Variants in CNTNAP2 observed in about 807,000 individuals in gnomAD.
CNTNAP2 encodes contactin-associated protein-like 2.
CNTNAP2 carries 98 observed loss-of-function variants against 155.2 expected under a neutral mutation model. The observed-to-expected ratio is 0.63, with a 90% CI of 0.54 to 0.75. CNTNAP2 has a LOEUF of 0.75. Among genes scored for constraint, CNTNAP2 ranks in the 30% least tolerant of loss-of-function variants. The pLI is 0.00. For missense variants in CNTNAP2, 1,727 were observed against 1,688.1 expected (o/e 1.02, Z -0.40); for synonymous variants, 651 against 631.2 (o/e 1.03, Z -0.47).
chr7:148,069,602 A>T (rs1200448088), intron 15 of CNTNAP2, among the ~76,000 whole-genome samples: 1 of 151,970 alleles, frequency 6.6e-6, no homozygotes, highest in Non-Finnish European at 1.5e-5. Context: ...CTCTACTAAA[A>T]ACACAAAATT....
chr7:147,314,445 C>T (rs562955958), intron 9 of CNTNAP2, among the ~76,000 whole-genome samples: 3 of 142,270 alleles, frequency 2.1e-5, no homozygotes, highest in African/African-American at 7.3e-5. Context: ...GTTACTATGG[C>T]ATCATTCCTC....
At chr7:146,628,980 G>A (rs6978740) in intron 1 of CNTNAP2, among the ~76,000 whole-genome samples, 5,289 of 152,140 alleles carry the variant, frequency 0.035, 315 homozygotes, top group African/African-American at 0.12. Context: ...AAACTTTCAC[G>A]TACCTGTGAG....
rs1346818958 is a variant in CNTNAP2 at position 146,137,362 on chromosome 7, C to CT, written c.97+20391dup. On this transcript the variant is annotated intron_variant, in intron 1 of 23. Transcript: ENST00000361727. ...AGTTAATATATTATTGAAATATCTA[C>CT]TTATTTCATCTGCCACATGAAAATA... Among the ~76,000 whole-genome samples, 12 of 152,236 alleles carry CT rather than the reference C, an allele frequency of 7.9e-5. 2 individuals are homozygous for CT. In the East Asian group the frequency reaches 2.1e-3, roughly 27 times the overall value.
At chr7:146,744,686 C>G (rs1353191518) in intron 1 of CNTNAP2, among the ~76,000 whole-genome samples, 1 of 152,016 alleles carries the variant, frequency 6.6e-6, no homozygotes, top group Non-Finnish European at 1.5e-5. Flanking sequence ...CATGTCACAC[C>G]AATTAAATAA....
At chr7:148,169,854 G>A (rs1192319752) in intron 17 of CNTNAP2, among the ~76,000 whole-genome samples, 1 of 152,108 alleles carries the variant, frequency 6.6e-6, no homozygotes, top group Non-Finnish European at 1.5e-5. Context: ...CAGCTACTGG[G>A]GAGGCTGAGG....
At chr7:147,082,699 A>T (rs1188163157) in intron 4 of CNTNAP2, 1 of 152,198 alleles carries the variant, frequency 6.6e-6, no homozygotes, top group African/African-American at 2.4e-5. Flanking sequence ...AGGAAGGTTT[A>T]ATCTTTAGTT....
At chr7:147,343,843 G>A (rs1795802537) in intron 9 of CNTNAP2, among the ~76,000 whole-genome samples, 1 of 152,010 alleles carries the variant, frequency 6.6e-6, no homozygotes, top group African/African-American at 2.4e-5. Context: ...ATAAATGGGG[G>A]CATCAAAACT....
intron 15 of CNTNAP2, among the ~76,000 whole-genome samples, chr7:148,085,765 G>A (rs1203041018): frequency 6.6e-6 from 1 of 150,678 alleles, no homozygotes; most frequent in African/African-American, 2.4e-5. Context: ...TGTTGCCCAG[G>A]CTGGAGTGCA....
At chr7:146,226,299 T>G (rs1378312517) in intron 1 of CNTNAP2, among the ~76,000 whole-genome samples, 5 of 152,096 alleles carry the variant, frequency 3.3e-5, no homozygotes. Context: ...TTGGGATAAT[T>G]TATATGGGAT....
chr7:147,392,363 A>T (rs1796734413), intron 9 of CNTNAP2, among the ~76,000 whole-genome samples: 1 of 150,220 alleles, frequency 6.7e-6, no homozygotes, highest in Non-Finnish European at 1.5e-5. Flanking sequence ...TTTATTTTTA[A>T]TTTTTATTTC....
chr7:147,198,285 G>A (rs187289892), intron 8 of CNTNAP2, among the ~76,000 whole-genome samples: 55 of 141,724 alleles, frequency 3.9e-4, no homozygotes, highest in African/African-American at 1.4e-3. Context: ...GGGCTAGAGT[G>A]CAATGGTGTG....
chr7:148,116,068 G>C lies in CNTNAP2; in HGVS notation c.2384-2050G>C, dbSNP rs947403505. 6.6e-5 allele frequency among the ~76,000 whole-genome samples: 10 copies of C among 152,010 alleles called. No individual in the cohort carries two copies. The East Asian group carries it at 1.6e-3, about 24-fold the overall frequency. On this transcript the variant is annotated intron_variant, in intron 15 of 23. Coordinates refer to ENST00000361727, the MANE Select transcript of CNTNAP2 (RefSeq NM_014141.6). ...ACAGGAGAATCGCTTGCACCTGGGA[G>C]GGGGAGGTTGCAGTGAGCCTAGATC...
At chr7:147,378,161 T>A (rs1269213238) in intron 9 of CNTNAP2, 2 of 293,466 alleles carry the variant, frequency 6.8e-6, no homozygotes, top group Non-Finnish European at 1.4e-5. Flanking sequence ...ATTTAATGTT[T>A]CTAAGTTTTT....
chr7:148,108,748 G>A (rs535244106), intron 15 of CNTNAP2, among the ~76,000 whole-genome samples: 2 of 152,270 alleles, frequency 1.3e-5, no homozygotes, highest in South Asian at 4.2e-4. Context: ...AACATGCTTG[G>A]TTGGTTAAGT....
At chr7:146,143,309 G>A (rs549201251) in intron 1 of CNTNAP2, among the ~76,000 whole-genome samples, 88 of 152,218 alleles carry the variant, frequency 5.8e-4, no homozygotes, top group African/African-American at 2.0e-3. Flanking sequence ...TTCTGAAGTC[G>A]CAAGTGAGCA....
chr7:146,943,936 A>G (rs1797105986), intron 3 of CNTNAP2, among the ~76,000 whole-genome samples: 1 of 152,152 alleles, frequency 6.6e-6, no homozygotes, highest in African/African-American at 2.4e-5. Context: ...AGTAACTATA[A>G]AGTTATTACT....
At chr7:146,979,760 G>T (rs1387022705) in intron 3 of CNTNAP2, among the ~76,000 whole-genome samples, 2 of 152,118 alleles carry the variant, frequency 1.3e-5, no homozygotes, top group Non-Finnish European at 2.9e-5. Context: ...CACCAAGAGG[G>T]TTACATTTGT....
intron 1 of CNTNAP2, among the ~76,000 whole-genome samples, chr7:146,349,920 C>G (rs1039846699): frequency 6.6e-6 from 1 of 152,078 alleles, no homozygotes; most frequent in Non-Finnish European, 1.5e-5. Flanking sequence ...TTCATTTCAA[C>G]TTTGGTGAAT....
chr7:147,433,804 A>G (rs1232085198), intron 10 of CNTNAP2, among the ~76,000 whole-genome samples: 1 of 152,222 alleles, frequency 6.6e-6, no homozygotes, highest in African/African-American at 2.4e-5. Context: ...TCAAAATATC[A>G]AAATCGAAAA....
Sources: gnomAD v4.1 joint callset for allele counts (sites outside exome capture counted in the v4.1 genomes callset) on GRCh38, gnomAD v4.1.1 for gene constraint, MANE v1.5 for transcripts, NCBI Gene and HGNC (gene_info 2026-07-23, HGNC 2026-07-21) for gene names.